The following SPAG16 variants were observed in gnomAD, a reference collection of about 807,000 sequenced individuals.
SPAG16 encodes sperm associated antigen 16.
Under a neutral mutation model 80.4 loss-of-function variants are expected in SPAG16, and 86 were observed. The observed-to-expected ratio is 1.07, with a 90% CI of 0.90 to 1.28. SPAG16 has a LOEUF of 1.28. SPAG16 is among the 50% of genes most tolerant of loss of function. SPAG16 has a pLI of 0.00. For missense variants in SPAG16, 870 were observed against 765.3 expected (o/e 1.14, Z -1.61); for synonymous variants, 294 against 265.9 (o/e 1.11, Z -1.03).
At chr2:213,377,742 G>A (rs561806523) in intron 9 of SPAG16, among the ~76,000 whole-genome samples, 27 of 152,158 alleles carry the variant, frequency 1.8e-4, no homozygotes, top group African/African-American at 3.9e-4. Flanking sequence ...AATTAAAGAC[G>A]AATGGAAGAG....
intron 12 of SPAG16, among the ~76,000 whole-genome samples, chr2:213,949,202 G>GTCTCTC (rs60506175): frequency 8.6e-6 from 1 of 116,720 alleles, no homozygotes; most frequent in Non-Finnish European, 1.7e-5. Flanking sequence ...TTGAGGTAGA[G>GTCTCTC]TCTCTGTCAC....
At chr2:213,859,739 A>G (rs2075339434) in intron 10 of SPAG16, among the ~76,000 whole-genome samples, 1 of 152,148 alleles carries the variant, frequency 6.6e-6, no homozygotes, top group South Asian at 2.1e-4. Flanking sequence ...TGGTATCTCT[A>G]CTAACTCTGT....
intron 1 of SPAG16, among the ~76,000 whole-genome samples, chr2:213,294,972 G>A (rs1205850165): frequency 6.6e-6 from 1 of 152,070 alleles, no homozygotes; most frequent in Non-Finnish European, 1.5e-5. Context: ...GTTAATACAT[G>A]GAAAACACTT....
At chr2:213,345,882 A>G (rs2125005735) in intron 6 of SPAG16, among the ~76,000 whole-genome samples, 1 of 152,216 alleles carries the variant, frequency 6.6e-6, no homozygotes, top group South Asian at 2.1e-4. Context: ...TTGGATCCAT[A>G]TGAACTTTAA....
rs150563197 is a variant in SPAG16 at position 213,811,395 on chromosome 2, T to A, written c.1071-51090T>A. Among the ~76,000 whole-genome samples, 753 of 152,288 alleles carry A rather than the reference T, an allele frequency of 4.9e-3. 6 individuals carry two copies. The highest frequency in any genetic ancestry group is 0.017 in the African/African-American group (717 of 41,554). On this transcript the variant is annotated intron_variant, in intron 10 of 15. Coordinates refer to ENST00000331683, the MANE Select transcript of SPAG16 (RefSeq NM_024532.5). ...CTTTCTCTTTCCCTCCAGTTTATAT[T>A]CTCTCTAATAAAACTCTTAAATCTT...
intron 15 of SPAG16, chr2:214,238,466 A>G (rs1057039209): frequency 3.9e-5 from 6 of 154,702 alleles, no homozygotes; most frequent in African/African-American, 1.2e-4. Context: ...CCTTTTCAAT[A>G]CAAGAATTTG....
intron 9 of SPAG16, among the ~76,000 whole-genome samples, chr2:213,399,825 T>G (rs1200361062): frequency 6.6e-6 from 1 of 152,136 alleles, no homozygotes; most frequent in Non-Finnish European, 1.5e-5. Flanking sequence ...TTCTTTGTAA[T>G]GTAATAGAAG....
intron 15 of SPAG16, among the ~76,000 whole-genome samples, chr2:214,225,927 A>G (rs766833074): frequency 1.3e-5 from 2 of 152,142 alleles, no homozygotes; most frequent in Non-Finnish European, 2.9e-5. Context: ...CTGGCCCTAT[A>G]CAGTCTAGAA....
chr2:213,660,272 GT>G (rs1268686589), intron 10 of SPAG16, among the ~76,000 whole-genome samples: 163 of 140,498 alleles, frequency 1.2e-3, no homozygotes, highest in African/African-American at 1.7e-3. Context: ...TAGTGTTGTT[GT>G]TTTTTTTTTT....
intron 15 of SPAG16, among the ~76,000 whole-genome samples, chr2:214,172,033 G>C (rs997180297): frequency 7.3e-5 from 11 of 151,086 alleles, no homozygotes; most frequent in Non-Finnish European, 1.5e-4. Flanking sequence ...ATCTAACATA[G>C]AATTGCATCT....
chr2:213,828,640 G>A (rs2073439016), intron 10 of SPAG16, among the ~76,000 whole-genome samples: 4 of 152,130 alleles, frequency 2.6e-5, no homozygotes, highest in Admixed American at 2.6e-4. Context: ...TTCACAGTCT[G>A]GGTTGGTTTG....
intron 12 of SPAG16, among the ~76,000 whole-genome samples, chr2:214,010,095 G>A (rs566002179): frequency 7.4e-6 from 1 of 134,568 alleles, no homozygotes; most frequent in East Asian, 2.1e-4. Context: ...ATAATAAAAT[G>A]TCAAAAGAGT....
At chr2:213,587,512 C>A (rs1576090043) in intron 10 of SPAG16, among the ~76,000 whole-genome samples, 1 of 152,324 alleles carries the variant, frequency 6.6e-6, no homozygotes, top group East Asian at 1.9e-4. Context: ...ATAGGAGGGG[C>A]AGCTCCTGAT....
Position 213,986,891 on chromosome 2 carries a change from C to CAAAAAAAAA in SPAG16, c.1401-27041_1401-27033dup, listed in dbSNP as rs369965944. 2.3e-4 allele frequency among the ~76,000 whole-genome samples: 13 copies of CAAAAAAAAA among 57,642 alleles called. 1 individual carries two copies. The highest frequency in any genetic ancestry group is 6.3e-4 in the African/African-American group (12 of 19,200). 37.8% of individuals were successfully genotyped at this position (57,642 alleles called of 152,430 possible). A position where few individuals can be genotyped will look rare whatever the true frequency, so the allele number is the denominator to read the frequency against. ...GTCAATTTGTCTGCCTCTGGTATAGCAAAAAAAAAAAAAAAAAAAAAAAAA... is the reference window on the plus strand; with the variant it reads ...GTCAATTTGTCTGCCTCTGGTATAGCAAAAAAAAAAAAAAAAAAAAAAAAAAAAAAAAAA... On this transcript the variant is annotated intron_variant, in intron 12 of 15. Transcript: ENST00000331683.
chr2:213,696,267 GAGTTA>G (rs780718078), intron 10 of SPAG16, among the ~76,000 whole-genome samples: 10 of 152,166 alleles, frequency 6.6e-5, no homozygotes, highest in Non-Finnish European at 1.3e-4. Context: ...TTGCAATCCT[GAGTTA>G]AGTTTTATGC....
intron 4 of SPAG16, among the ~76,000 whole-genome samples, chr2:213,315,878 C>T (rs1219373882): frequency 7.2e-5 from 11 of 151,884 alleles, no homozygotes; most frequent in Admixed American, 1.3e-4. Flanking sequence ...TCTCTTGCTT[C>T]GTCTTTTTTG....
intron 10 of SPAG16, among the ~76,000 whole-genome samples, chr2:213,793,285 T>C (rs2070819578): frequency 6.6e-6 from 1 of 152,084 alleles, no homozygotes; most frequent in African/African-American, 2.4e-5. Context: ...TATTTTGTTA[T>C]TCCTATCAAA....
intron 15 of SPAG16, among the ~76,000 whole-genome samples, chr2:214,304,432 A>G (rs866551218): frequency 1.3e-5 from 2 of 152,372 alleles, no homozygotes; most frequent in Non-Finnish European, 2.9e-5. Flanking sequence ...CCTTAAGGAC[A>G]TGCTCCTGCT....
At chr2:214,111,753 G>A (rs542198897) in intron 14 of SPAG16, among the ~76,000 whole-genome samples, 115 of 151,546 alleles carry the variant, frequency 7.6e-4, no homozygotes, top group African/African-American at 2.5e-3. Flanking sequence ...CTTCCTATCC[G>A]TGACCATGGA....
Sources: gnomAD v4.1 joint callset for allele counts (sites outside exome capture counted in the v4.1 genomes callset) on GRCh38, gnomAD v4.1.1 for gene constraint, MANE v1.5 for transcripts, NCBI Gene and HGNC (gene_info 2026-07-23, HGNC 2026-07-21) for gene names.